Variants in INPP5D observed in about 807,000 individuals in gnomAD.
INPP5D encodes phosphatidylinositol 3,4,5-trisphosphate 5-phosphatase 1.
Under a neutral mutation model 122.9 loss-of-function variants are expected in INPP5D, and 33 were observed. The ratio of observed to expected loss-of-function variants is 0.27; its 90% CI spans 0.20 to 0.36. The LOEUF (loss-of-function observed/expected upper bound fraction) is 0.36. Ranked by LOEUF, INPP5D falls within the 10% of genes least tolerant of loss-of-function variation. The pLI is 1.00. For missense variants in INPP5D, 1,053 were observed against 1,412.7 expected, an observed-to-expected ratio of 0.75 and a Z score of 4.08; for synonymous variants, 584 against 576.2, an observed-to-expected ratio of 1.01 and a Z score of -0.19.
At chr2:233,202,859 C>A (rs555408021) in intron 25 of INPP5D, among the ~76,000 whole-genome samples, 2 of 152,332 alleles carry the variant, frequency 1.3e-5, no homozygotes, top group South Asian at 4.1e-4. Flanking sequence ...TGGGTCACAA[C>A]ACAGGAGCTT....
At position 233,198,282 on chromosome 2, in the gene INPP5D, C is replaced by T. The variant is rs1305580607; in HGVS notation, c.2881C>T (p.Pro961Ser). Residue 961 changes from proline to serine, a missense_variant, in exon 25 of 27, where the codon CCT (proline) becomes TCT (serine). Pro to Ser is a moderately conservative substitution (Grantham distance 74). This residue lies in a region of INPP5D where 417 missense variants were observed against 425.8 expected (regional missense o/e 0.98). Transcript: ENST00000445964. ...GCTGGGGCCCTGCAGGGGAGAAAGT[C>T]CTCCGACACCTCCCGGCCAGCCGCC... is the stretch of plus-strand genomic sequence containing the variant. ...SPLGPCRGESPPTPPGQPPIS... is the reference protein window; with the variant it reads ...SPLGPCRGESSPTPPGQPPIS... 4.3e-6 allele frequency: 7 copies of T among 1,613,356 alleles called. No individual in the cohort carries two copies. In the Admixed American group the frequency reaches 1.2e-4, roughly 27 times the overall value.
Position 233,098,792 on chromosome 2 carries a change from C to T in INPP5D, c.198+19394C>T, listed in dbSNP as rs542250672. Among the ~76,000 whole-genome samples, 254 of 152,254 alleles carry T rather than the reference C, an allele frequency of 1.7e-3. 1 individual carries two copies. Among genetic ancestry groups the T allele is most frequent in the Admixed American group, 4.4e-3 (67 of 15,300 alleles). The stretch of plus-strand genomic sequence containing the variant: ...AGAGTGGACTGACCCTCCCACCGGG[C>T]GCCCCTCCACGAGTGCAGTCTCACA... On this transcript the variant is annotated intron_variant, in intron 2 of 26. Coordinates refer to ENST00000445964, the MANE Select transcript of INPP5D (RefSeq NM_001017915.3).
Position 233,128,589 on chromosome 2 carries a change from C to G in INPP5D, c.525-1919C>G, listed in dbSNP as rs901752540. On this transcript the variant is annotated intron_variant, in intron 4 of 26. Transcript: ENST00000445964. The surrounding 1 kb of genome is among the most constrained non-coding windows in gnomAD (Gnocchi z 4.5). ...ACCTCCTGGGTTCAAGCAATCCTCCCGCCTCAGCCTCCTGAGTAGCTGGGA... is the reference window on the plus strand; with the variant it reads ...ACCTCCTGGGTTCAAGCAATCCTCCGGCCTCAGCCTCCTGAGTAGCTGGGA... 1.2e-4 allele frequency among the ~76,000 whole-genome samples: 19 copies of G among 152,078 alleles called. No homozygotes were observed. The highest frequency in any genetic ancestry group is 4.6e-4 in the African/African-American group (19 of 41,426).
intron 4 of INPP5D, among the ~76,000 whole-genome samples, chr2:233,129,411 ACACT>A (rs1487785801): frequency 6.6e-6 from 1 of 152,196 alleles, no homozygotes; most frequent in South Asian, 2.1e-4. Context: ...ATGGGAACAA[ACACT>A]CAAGCGTTAC....
At chr2:233,060,876 T>C (rs1322541985) in intron 1 of INPP5D, among the ~76,000 whole-genome samples, 1 of 152,166 alleles carries the variant, frequency 6.6e-6, no homozygotes, top group Admixed American at 6.5e-5. Flanking sequence ...TGTGGCTTCC[T>C]TGGAGTCTGG....
intron 2 of INPP5D, among the ~76,000 whole-genome samples, chr2:233,115,665 G>A (rs113960392): frequency 2.4e-4 from 36 of 152,250 alleles, no homozygotes; most frequent in African/African-American, 8.4e-4. Context: ...TCAGACAAAG[G>A]TGCCTCTCCC....
At chr2:233,114,961 A>C (rs1692744632) in intron 2 of INPP5D, among the ~76,000 whole-genome samples, 2 of 151,548 alleles carry the variant, frequency 1.3e-5, no homozygotes, top group Non-Finnish European at 2.9e-5. Flanking sequence ...TCTGCCTCCC[A>C]GGTTCAAGCA....
At chr2:233,130,737 C>A in intron 5 of INPP5D, 89 bp downstream of exon 5, 1 of 1,356,444 alleles carries the variant, frequency 7.4e-7, no homozygotes, top group Non-Finnish European at 1.0e-6. Context: ...CTCTGCCTGG[C>A]TGAACAAATG....
rs776395559 is a variant in INPP5D, at chr2:233,204,671, G to A, written c.3521G>A (p.Arg1174Gln). Reference protein sequence around the residue: ...NTELPHHGKHRPEEGPPGPLG... With the variant: ...NTELPHHGKHQPEEGPPGPLG... ...GAGCTCCCGCATCACGGCAAGCACCGGCCGGAGGAGGGGCCACCAGGGCCT... is the reference window on the plus strand; with the variant it reads ...GAGCTCCCGCATCACGGCAAGCACCAGCCGGAGGAGGGGCCACCAGGGCCT... The change falls in exon 26 of 27, where the codon CGG becomes CAG. Residue 1174 changes from arginine (R) to glutamine (Q), a missense_variant. Coordinates refer to ENST00000445964, the MANE Select transcript of INPP5D (RefSeq NM_001017915.3). 7 of 1,570,726 alleles carry A rather than the reference G, an allele frequency of 4.5e-6. No homozygotes were observed. Among genetic ancestry groups the A allele is most frequent in the Non-Finnish European group, 6.0e-6 (7 of 1,160,044 alleles).
At position 233,170,179 on chromosome 2, in the gene INPP5D, C is replaced by CCTGGGG. The variant is rs747004309; in HGVS notation, c.1791+31_1791+36dup. The stretch of plus-strand genomic sequence containing the variant: ...TGCCTACCTGGGTAAGGGCTGCCCG[C>CCTGGGG]CTGGGGCTGGGGCTGGGGCTGTATG... On this transcript the variant is annotated intron_variant, in intron 15 of 26. Coordinates refer to ENST00000445964, the MANE Select transcript of INPP5D (RefSeq NM_001017915.3). The surrounding 1 kb of genome is among the most constrained non-coding windows in gnomAD (Gnocchi z 4.5). The CCTGGGG allele has an allele frequency of 4.8e-5, 77 of 1,611,836 alleles. No homozygotes were observed. The highest frequency in any genetic ancestry group is 3.3e-4 in the Middle Eastern group (2 of 6,070).
At chr2:233,115,976 G>T (rs1321248603) in intron 2 of INPP5D, among the ~76,000 whole-genome samples, 1 of 152,124 alleles carries the variant, frequency 6.6e-6, no homozygotes. Flanking sequence ...TGTCTGCAGA[G>T]ACTCTGTAAA....
chr2:233,173,257 C>G (rs1694538555), intron 17 of INPP5D, among the ~76,000 whole-genome samples: 1 of 151,394 alleles, frequency 6.6e-6, no homozygotes, highest in Admixed American at 6.6e-5. Flanking sequence ...AGGGCACTTA[C>G]CATGAATGAA....
At chr2:233,144,890 G>A (rs1458839642) in intron 6 of INPP5D, among the ~76,000 whole-genome samples, 2 of 151,996 alleles carry the variant, frequency 1.3e-5, no homozygotes, top group Non-Finnish European at 2.9e-5. Flanking sequence ...TGGTAATGGA[G>A]GTGGTGATAG....
Position 233,197,864 on chromosome 2 carries a change from T to G in INPP5D, c.2694-231T>G, listed in dbSNP as rs1177515587. Among the ~76,000 whole-genome samples, 2 of 152,138 alleles carry G rather than the reference T, an allele frequency of 1.3e-5. No homozygotes were observed. The highest frequency in any genetic ancestry group is 2.9e-5 in the Non-Finnish European group (2 of 68,016). ...AGAACAGAGACCATGGCTGCCTCAC[T>G]CACAGCCATATTCCCTCCTCCCGGC... On this transcript the variant is annotated intron_variant, in intron 24 of 26. Transcript: ENST00000445964. The surrounding 1 kb of genome is among the most constrained non-coding windows in gnomAD (Gnocchi z 4.4).
chr2:233,084,608 G>A (rs967033029), intron 2 of INPP5D, among the ~76,000 whole-genome samples: 1 of 152,240 alleles, frequency 6.6e-6, no homozygotes. Flanking sequence ...ACAAGCATCC[G>A]GGAGGTGAAC....
At chr2:233,115,681 G>A (rs1692768823) in intron 2 of INPP5D, among the ~76,000 whole-genome samples, 1 of 152,182 alleles carries the variant, frequency 6.6e-6, no homozygotes. Context: ...CTCCCTGCAA[G>A]TCCCAGCTTG....
At position 233,130,330 on chromosome 2, in the gene INPP5D, T is replaced by C. The variant is rs112236849; in HGVS notation, c.525-178T>C. 8.0e-3 allele frequency among the ~76,000 whole-genome samples: 1,213 copies of C among 152,268 alleles called. 3 individuals carry two copies. The highest frequency in any genetic ancestry group is 0.01 in the Middle Eastern group (3 of 294). ...TTCTTCTTGCTCTGACCTGCTAATC[T>C]ACCCCATCAGTGAGACCACGGGAAC... On this transcript the variant is annotated intron_variant, in intron 4 of 26. Transcript: ENST00000445964.
At chr2:233,159,427 G>A (rs750687627) in intron 10 of INPP5D, among the ~76,000 whole-genome samples, 7 of 152,108 alleles carry the variant, frequency 4.6e-5, no homozygotes, top group Non-Finnish European at 8.8e-5. Context: ...GGCACAGTGG[G>A]TGCCTTATGC....
intron 2 of INPP5D, among the ~76,000 whole-genome samples, chr2:233,109,460 G>A (rs901894912): frequency 6.6e-6 from 1 of 152,182 alleles, no homozygotes; most frequent in Non-Finnish European, 1.5e-5. Context: ...GGGCATCGTA[G>A]GTGTTTCCAT....
Sources: allele counts gnomAD v4.1 joint callset (sites outside exome capture counted in the v4.1 genomes callset), GRCh38; gene constraint gnomAD v4.1.1; regional missense constraint gnomAD v4.1.1; non-coding constraint Gnocchi (gnomAD v3.1); transcripts MANE v1.5; gene names NCBI Gene and HGNC (gene_info 2026-07-23, HGNC 2026-07-21).